Variants in CSMD1 observed in about 807,000 individuals in gnomAD.
The protein encoded by CSMD1 is CUB and sushi domain-containing protein 1.
Under a neutral mutation model 417.5 loss-of-function variants are expected in CSMD1, and 213 were observed. The observed-to-expected ratio is 0.51, with a 90% CI of 0.46 to 0.57. The LOEUF (loss-of-function observed/expected upper bound fraction) is 0.57. CSMD1 is among the 20% of genes least tolerant of loss of function. The probability of loss-of-function intolerance (pLI) is 0.00; values close to 1 mark genes in which losing one functional copy is unlikely to be tolerated. For missense variants in CSMD1, 6,923 were observed against 4,529.7 expected (o/e 1.53, Z -15.17); for synonymous variants, 2,862 against 1,736.8 (o/e 1.65, Z -16.11).
intron 1 of CSMD1, among the ~76,000 whole-genome samples, chr8:4,794,704 G>T (rs1296634915): frequency 6.6e-6 from 1 of 152,190 alleles, no homozygotes; most frequent in African/African-American, 2.4e-5. Context: ...TTAAGGCCAT[G>T]TGGCAGAGTA....
intron 3 of CSMD1, among the ~76,000 whole-genome samples, chr8:4,299,999 A>G (rs1797893897): frequency 6.6e-6 from 1 of 152,194 alleles, no homozygotes; most frequent in Non-Finnish European, 1.5e-5. Flanking sequence ...CCTTTGTAGA[A>G]AGCATAAATC....
At chr8:3,939,413 G>A (rs1020258201) in intron 5 of CSMD1, among the ~76,000 whole-genome samples, 46 of 152,110 alleles carry the variant, frequency 3.0e-4, no homozygotes, top group Non-Finnish European at 6.3e-4. Context: ...CTACTGGTGT[G>A]TGTATAAACT....
intron 3 of CSMD1, among the ~76,000 whole-genome samples, chr8:4,337,691 C>A (rs1247826961): frequency 1.3e-5 from 2 of 152,052 alleles, no homozygotes; most frequent in Non-Finnish European, 2.9e-5. Context: ...TTTAAGCATG[C>A]CAACTTTTAA....
At chr8:3,910,820 G>A (rs1250352854) in intron 5 of CSMD1, among the ~76,000 whole-genome samples, 1 of 152,154 alleles carries the variant, frequency 6.6e-6, no homozygotes, top group Non-Finnish European at 1.5e-5. Context: ...GAGAGTGCAT[G>A]CTACAGGCCA....
At chr8:3,479,270 C>T (rs944691806) in intron 11 of CSMD1, among the ~76,000 whole-genome samples, 1 of 152,000 alleles carries the variant, frequency 6.6e-6, no homozygotes, top group South Asian at 2.1e-4. Context: ...CAGTTTTTGC[C>T]ATTATTTTTA....
intron 26 of CSMD1, among the ~76,000 whole-genome samples, chr8:3,232,118 A>T (rs1484331987): frequency 6.6e-6 from 1 of 152,226 alleles, no homozygotes; most frequent in African/African-American, 2.4e-5. Context: ...TGCGTAGAAC[A>T]TACCCTTCCC....
intron 10 of CSMD1, among the ~76,000 whole-genome samples, chr8:3,573,633 G>A (rs1029461777): frequency 2.0e-5 from 3 of 152,086 alleles, no homozygotes; most frequent in African/African-American, 7.2e-5. Flanking sequence ...AACACTTTAC[G>A]GAATCTAAAA....
rs537723536 is a variant in CSMD1, at chr8:4,447,058, C to G, written c.303-26993G>C. 9.9e-5 allele frequency among the ~76,000 whole-genome samples: 15 copies of G among 152,092 alleles called. No homozygotes were observed. The South Asian group carries it at 3.1e-3, about 32-fold the overall frequency. ...AAAGGATCATCAGCCTGTGTCAGGT[C>G]TGCGAGCCTAGCCTCAGTTATGACA... is the stretch of plus-strand genomic sequence containing the variant. On this transcript the variant is annotated intron_variant, in intron 2 of 69. Coordinates refer to ENST00000635120, the MANE Select transcript of CSMD1 (RefSeq NM_033225.6).
chr8:3,214,804 C>T (rs962782545), intron 29 of CSMD1, 113 bp from the exon 30 acceptor site: 2 of 610,882 alleles, frequency 3.3e-6, no homozygotes, highest in Admixed American at 3.7e-5. Context: ...GAACAATGTC[C>T]TAAATAAGTA....
intron 8 of CSMD1, among the ~76,000 whole-genome samples, chr8:3,595,778 T>C (rs1380767721): frequency 6.6e-6 from 1 of 152,218 alleles, no homozygotes; most frequent in Non-Finnish European, 1.5e-5. Flanking sequence ...AACAGGACTT[T>C]GTCATGCGAA....
chr8:3,780,531 T>G (rs1409070066), intron 5 of CSMD1, among the ~76,000 whole-genome samples: 2 of 152,176 alleles, frequency 1.3e-5, no homozygotes, highest in Non-Finnish European at 2.9e-5. Flanking sequence ...ACTACTGAAT[T>G]GGATGGGTAA....
chr8:3,037,440 C>T (rs978223389), intron 50 of CSMD1, among the ~76,000 whole-genome samples: 1 of 152,006 alleles, frequency 6.6e-6, no homozygotes, highest in African/African-American at 2.4e-5. Flanking sequence ...GATCTTCTGA[C>T]CTCGTGATCC....
intron 3 of CSMD1, among the ~76,000 whole-genome samples, chr8:4,392,534 T>C (rs903932788): frequency 6.6e-6 from 1 of 152,082 alleles, no homozygotes; most frequent in Non-Finnish European, 1.5e-5. Context: ...GATGGGAGTG[T>C]CATTGGTCAC....
intron 1 of CSMD1, among the ~76,000 whole-genome samples, chr8:4,958,258 A>C (rs187017068): frequency 1.8e-4 from 28 of 152,312 alleles, no homozygotes; most frequent in Admixed American, 5.9e-4. Flanking sequence ...GATTAGAAAA[A>C]CAGGTTCAAT....
chr8:3,423,170 A>C (rs974766084), intron 12 of CSMD1, among the ~76,000 whole-genome samples: 1 of 152,224 alleles, frequency 6.6e-6, no homozygotes, highest in African/African-American at 2.4e-5. Flanking sequence ...GGAATGAATT[A>C]GGTACCACAA....
chr8:3,244,493 A>T (rs906975031), intron 26 of CSMD1, among the ~76,000 whole-genome samples: 2 of 152,210 alleles, frequency 1.3e-5, no homozygotes, highest in African/African-American at 4.8e-5. Context: ...GAAAGGAATA[A>T]GGTCCCAGCC....
intron 3 of CSMD1, among the ~76,000 whole-genome samples, chr8:4,048,856 C>G (rs150148396): frequency 6.6e-6 from 1 of 152,184 alleles, no homozygotes; most frequent in Non-Finnish European, 1.5e-5. Context: ...GTGTTCAATA[C>G]AGATAGATCA....
intron 28 of CSMD1, among the ~76,000 whole-genome samples, chr8:3,221,549 C>G (rs1175198924): frequency 6.6e-6 from 1 of 151,700 alleles, no homozygotes; most frequent in Non-Finnish European, 1.5e-5. Context: ...AACAAACAAA[C>G]AAACAAACAA....
chr8:4,830,440 CG>C (rs1242680445), intron 1 of CSMD1, among the ~76,000 whole-genome samples: 1 of 152,116 alleles, frequency 6.6e-6, no homozygotes, highest in African/African-American at 2.4e-5. Flanking sequence ...GAACACTTAC[CG>C]TTTCAGATAA....
Sources: allele counts gnomAD v4.1 joint callset (sites outside exome capture counted in the v4.1 genomes callset), GRCh38; gene constraint gnomAD v4.1.1; transcripts MANE v1.5; gene names NCBI Gene and HGNC (gene_info 2026-07-23, HGNC 2026-07-21).